Variants in IQSEC3 observed in about 807,000 individuals in gnomAD.
The protein encoded by IQSEC3 is IQ motif and Sec7 domain ArfGEF 3.
In IQSEC3, 50 loss-of-function variants were observed where a neutral mutation model predicts 105.4. The ratio of observed to expected loss-of-function variants is 0.47; its 90% CI spans 0.38 to 0.60. The LOEUF is 0.60. Ranked by LOEUF, IQSEC3 falls within the 20% of genes least tolerant of loss-of-function variation. The probability of loss-of-function intolerance (pLI) is 0.00; values close to 1 mark genes in which losing one functional copy is unlikely to be tolerated. For synonymous variants in IQSEC3, 708 were observed against 746.0 expected (o/e 0.95, Z 0.83); for missense variants, 1,415 against 1,630.0 (o/e 0.87, Z 2.27).
chr12:154,585 C>A (rs1555093608), intron 5 of IQSEC3, among the ~76,000 whole-genome samples: 1 of 152,178 alleles, frequency 6.6e-6, no homozygotes, highest in African/African-American at 2.4e-5. Context: ...AGGACCCAGG[C>A]CTCTTTCTTG....
intron 2 of IQSEC3, among the ~76,000 whole-genome samples, chr12:124,851 G>C (rs570810301): frequency 2.0e-5 from 3 of 152,360 alleles, no homozygotes; most frequent in African/African-American, 7.2e-5. Context: ...AGGCAGCAAG[G>C]TGTCTTCTTA....
intron 1 of IQSEC3, among the ~76,000 whole-genome samples, chr12:95,157 C>T (rs1555074440): frequency 6.6e-6 from 1 of 152,178 alleles, no homozygotes; most frequent in East Asian, 1.9e-4. Flanking sequence ...CGGGAATGAA[C>T]CTCGGGCTGG....
At chr12:84,551 C>T (rs1384200380) in intron 1 of IQSEC3, among the ~76,000 whole-genome samples, 1 of 152,086 alleles carries the variant, frequency 6.6e-6, no homozygotes, top group Non-Finnish European at 1.5e-5. Flanking sequence ...GCGTTTAGGA[C>T]CTATGTGCAT....
At chr12:101,458 G>A (rs1864419424) in intron 2 of IQSEC3, among the ~76,000 whole-genome samples, 1 of 152,200 alleles carries the variant, frequency 6.6e-6, no homozygotes, top group African/African-American at 2.4e-5. Flanking sequence ...CCTGGGAGGT[G>A]CGGGCTTTGA....
intron 5 of IQSEC3, among the ~76,000 whole-genome samples, chr12:147,419 G>A (rs781865057): frequency 6.6e-6 from 1 of 152,160 alleles, no homozygotes; most frequent in African/African-American, 2.4e-5. Context: ...CCCAATGAAG[G>A]CACTGAGGAA....
chr12:168,408 G>C (rs1555099144), intron 11 of IQSEC3, among the ~76,000 whole-genome samples: 1 of 152,104 alleles, frequency 6.6e-6, no homozygotes, highest in Non-Finnish European at 1.5e-5. Flanking sequence ...TCCCAGGCAG[G>C]CTCCGTCCTC....
At position 175,398 on chromosome 12, in the gene IQSEC3, G is replaced by T. The variant is rs113939987; in HGVS notation, c.*365G>T. ...TGAGTCTGTTAGTGCCCGGGGCCTC[G>T]GGCCTTGGGCAGCAGCATGAGGCTG... On this transcript the variant is annotated 3_prime_UTR_variant, in exon 14 of 14. Coordinates refer to ENST00000538872, the MANE Select transcript of IQSEC3 (RefSeq NM_001170738.2). The T allele has an allele frequency of 0.019, 4,110 of 219,372 alleles. 173 individuals carry two copies. The highest frequency in any genetic ancestry group is 0.086 in the African/African-American group (3,742 of 43,750). 13.6% of individuals were successfully genotyped at this position (219,372 alleles called of 1,614,324 possible).
At chr12:115,623 G>A (rs558419088) in intron 2 of IQSEC3, among the ~76,000 whole-genome samples, 1 of 152,194 alleles carries the variant, frequency 6.6e-6, no homozygotes, top group Non-Finnish European at 1.5e-5. Flanking sequence ...CATAGGCTTC[G>A]TGTAGATTAT....
intron 2 of IQSEC3, among the ~76,000 whole-genome samples, chr12:102,844 C>T (rs1344446298): frequency 6.6e-6 from 1 of 152,176 alleles, no homozygotes; most frequent in African/African-American, 2.4e-5. Flanking sequence ...GGAGCAGCTA[C>T]GGGGCTGGCA....
intron 2 of IQSEC3, among the ~76,000 whole-genome samples, chr12:110,904 G>C (rs542603400): frequency 6.6e-6 from 1 of 152,110 alleles, no homozygotes; most frequent in Non-Finnish European, 1.5e-5. Flanking sequence ...TAGAAGGAAC[G>C]GGGAAATTCT....
chr12:80,418 T>C (rs897777317), intron 1 of IQSEC3, among the ~76,000 whole-genome samples: 3 of 152,184 alleles, frequency 2.0e-5, no homozygotes, highest in Non-Finnish European at 4.4e-5. Flanking sequence ...ACCGATCTGA[T>C]AAATAAATAG....
intron 1 of IQSEC3, among the ~76,000 whole-genome samples, chr12:90,839 A>G (rs1260313243): frequency 6.6e-6 from 1 of 152,174 alleles, no homozygotes; most frequent in Non-Finnish European, 1.5e-5. Context: ...TTCTGAAAAA[A>G]TAAGGGTTTC....
At chr12:94,184 G>A (rs1241875981) in intron 1 of IQSEC3, among the ~76,000 whole-genome samples, 1 of 152,214 alleles carries the variant, frequency 6.6e-6, no homozygotes, top group East Asian at 1.9e-4. Context: ...AGGCACTGAT[G>A]TAGGCACTAG....
rs1939253769 is a variant in IQSEC3 at position 176,870 on chromosome 12, C to T, written c.*1837C>T. 2 of 152,258 alleles carry T rather than the reference C, an allele frequency of 1.3e-5. No individual in the cohort carries two copies. Among genetic ancestry groups the T allele is most frequent in the Admixed American group, 1.3e-4 (2 of 15,280 alleles). 9.4% of individuals were successfully genotyped at this position (152,258 alleles called of 1,614,324 possible). On this transcript the variant is annotated 3_prime_UTR_variant, in exon 14 of 14. Transcript: ENST00000538872. This position sits in a 1 kb window ranked among gnomAD's most constrained non-coding sequence, Gnocchi z 4.0. ...AGATGGGGTGCACGCATTCAGACAC[C>T]TCTGATGCCCTTAGCCAGGGCAGGG...
intron 2 of IQSEC3, among the ~76,000 whole-genome samples, chr12:111,031 GC>G (rs1336133147): frequency 1.3e-5 from 2 of 152,230 alleles, no homozygotes; most frequent in South Asian, 4.2e-4. Flanking sequence ...CCTTCTTGCT[GC>G]CCCCCGATCG....
rs142617174 is a variant in IQSEC3, at chr12:163,550, G to A, written c.2640G>A (p.Thr880=). ...LVCCSRLFEV[T]DVNKLQKQAA... is the part of the protein sequence containing the mutation. ...GCTGCAGCCGGCTCTTCGAGGTGAC[G>A]GATGTGAACAAGCTGCAGAAGCAGG... Residue 880 remains threonine (T), a synonymous_variant, in exon 9 of 14, where the codon ACG becomes ACA. Transcript: ENST00000538872. 49 of 1,611,976 alleles carry A rather than the reference G, an allele frequency of 3.0e-5. No individual in the cohort carries two copies. Among genetic ancestry groups the A allele is most frequent in the East Asian group, 6.7e-5 (3 of 44,778 alleles).
At chr12:156,936 T>C (rs1866707796) in intron 5 of IQSEC3, 89 bp from the exon 6 acceptor site, 1 of 1,404,598 alleles carries the variant, frequency 7.1e-7, no homozygotes, top group Non-Finnish European at 9.4e-7. Context: ...CCTGCACCTG[T>C]CCTGGCTGGG....
chr12:75,736 C>T (rs1166182126), intron 1 of IQSEC3, among the ~76,000 whole-genome samples: 4 of 152,378 alleles, frequency 2.6e-5, no homozygotes, highest in Non-Finnish European at 5.9e-5. Context: ...ATAAACTCTC[C>T]GTCTGTAGGG....
At chr12:81,706 G>C (rs1555070757) in intron 1 of IQSEC3, among the ~76,000 whole-genome samples, 1 of 152,168 alleles carries the variant, frequency 6.6e-6, no homozygotes, top group Non-Finnish European at 1.5e-5. Flanking sequence ...TGGGCTGGAG[G>C]TATAACTTTG....
Sources: gnomAD v4.1 joint callset for allele counts (sites outside exome capture counted in the v4.1 genomes callset) on GRCh38, gnomAD v4.1.1 for gene constraint, Gnocchi (gnomAD v3.1) non-coding constraint, MANE v1.5 for transcripts, NCBI Gene and HGNC (gene_info 2026-07-23, HGNC 2026-07-21) for gene names.